The following MRTFB variants were observed in gnomAD, a reference collection of about 807,000 sequenced individuals.
MRTFB encodes the protein myocardin-related transcription factor B.
A neutral mutation model predicts 104.2 loss-of-function variants in MRTFB; 29 were observed. The observed-to-expected ratio is 0.28, with a 90% CI of 0.21 to 0.38. MRTFB has a LOEUF of 0.38. Among genes scored for constraint, MRTFB ranks in the 10% least tolerant of loss-of-function variants. The pLI is 1.00. For missense variants in MRTFB, 1,270 were observed against 1,341.6 expected (o/e 0.95, Z 0.83); for synonymous variants, 535 against 519.5 (o/e 1.03, Z -0.41).
At chr16:14,158,132 C>T (rs1026863192) in intron 3 of MRTFB, among the ~76,000 whole-genome samples, 4 of 152,162 alleles carry the variant, frequency 2.6e-5, no homozygotes, top group East Asian at 1.9e-4. Context: ...TTCTTAGTTA[C>T]CATGTGTCTT....
rs572911504 is a variant in MRTFB, at chr16:14,073,214, G to A, written c.-129+1849G>A. The stretch of plus-strand genomic sequence containing the variant: ...AGTTTATAGTGGGCTTAATCTGCCC[G>A]TTCATTTGAAAGACTCTCGTACCAG... On this transcript the variant is annotated intron_variant, in intron 1 of 16. Coordinates refer to ENST00000571589, the MANE Select transcript of MRTFB (RefSeq NM_001308142.2). Among the ~76,000 whole-genome samples, 20 of 152,234 alleles carry A rather than the reference G, an allele frequency of 1.3e-4. 1 individual carries two copies. The South Asian group carries it at 2.9e-3, about 22-fold the overall frequency.
At chr16:14,129,170 G>A (rs917035978) in intron 2 of MRTFB, among the ~76,000 whole-genome samples, 1 of 152,224 alleles carries the variant, frequency 6.6e-6, no homozygotes, top group African/African-American at 2.4e-5. Context: ...TAGGTCATTT[G>A]GGTAGTTTCC....
chr16:14,089,829 C>T (rs1294729510), intron 2 of MRTFB, among the ~76,000 whole-genome samples: 1 of 152,176 alleles, frequency 6.6e-6, no homozygotes, highest in East Asian at 1.9e-4. Flanking sequence ...TAGTAGCCAT[C>T]CTAATGAATG....
At chr16:14,246,010 A>G (rs185556114) in intron 11 of MRTFB, among the ~76,000 whole-genome samples, 46 of 152,296 alleles carry the variant, frequency 3.0e-4, no homozygotes, top group Admixed American at 9.2e-4. Flanking sequence ...GGTTTCTACC[A>G]CAGCTCAGCC....
chr16:14,225,933 GACCTTACTGCAGAAC>G (rs1410808311), intron 8 of MRTFB, among the ~76,000 whole-genome samples: 1 of 152,176 alleles, frequency 6.6e-6, no homozygotes, highest in Non-Finnish European at 1.5e-5. Flanking sequence ...ATTGTGTAAA[GACCTTACTGCAGAAC>G]ACCTTGCTGT....
intron 3 of MRTFB, among the ~76,000 whole-genome samples, chr16:14,193,179 C>T (rs1001751819): frequency 8.1e-6 from 1 of 123,298 alleles, no homozygotes; most frequent in African/African-American, 3.1e-5. Flanking sequence ...CGTCACTGCA[C>T]TCCAACCTGG....
chr16:14,157,058 T>C (rs4781580), intron 3 of MRTFB, among the ~76,000 whole-genome samples: 35,728 of 152,206 alleles, frequency 0.23, 7,929 homozygotes, highest in African/African-American at 0.57. Flanking sequence ...ATAAACTATT[T>C]TCATCTCTTT....
At chr16:14,017,712 T>TATATATATATA in the MRTFB span, among the ~76,000 whole-genome samples, 112 of 9,920 alleles carry the variant, frequency 0.011, 6 homozygotes, top group Non-Finnish European at 0.021. Context: ...TATATATATA[T>TATATATATATA]TTTTTTTTTT....
intron 2 of MRTFB, among the ~76,000 whole-genome samples, chr16:14,132,119 T>A (rs1191200694): frequency 6.6e-6 from 1 of 152,152 alleles, no homozygotes; most frequent in East Asian, 1.9e-4. Context: ...ATATTGATAA[T>A]TGGACAGTAT....
the MRTFB span, among the ~76,000 whole-genome samples, chr16:14,036,299 TA>T: frequency 1.6e-4 from 14 of 86,422 alleles, 1 homozygote; most frequent in East Asian, 5.8e-3. Context: ...TATATATTTA[TA>T]TATATATATA....
intron 2 of MRTFB, among the ~76,000 whole-genome samples, chr16:14,129,699 C>G (rs2037341906): frequency 6.6e-6 from 1 of 152,186 alleles, no homozygotes; most frequent in African/African-American, 2.4e-5. Context: ...TTTGCCAACA[C>G]TTGCTTTTGT....
chr16:14,249,232 C>A, intron 13 of MRTFB, 151 bp downstream of exon 13: 1 of 867,730 alleles, frequency 1.2e-6, no homozygotes, highest in Non-Finnish European at 1.7e-6. Context: ...AGGTCAGATG[C>A]CATTTGGCTG....
intron 3 of MRTFB, among the ~76,000 whole-genome samples, chr16:14,188,381 C>T (rs1287437220): frequency 1.3e-5 from 2 of 151,876 alleles, no homozygotes; most frequent in Non-Finnish European, 2.9e-5. Context: ...AACATTTTTG[C>T]GTACTTGAGA....
intron 3 of MRTFB, among the ~76,000 whole-genome samples, chr16:14,181,009 G>A (rs1490514716): frequency 2.0e-5 from 3 of 152,052 alleles, no homozygotes; most frequent in Non-Finnish European, 4.4e-5. Flanking sequence ...ATGAAACAGC[G>A]GTTTTCATAG....
intron 13 of MRTFB, among the ~76,000 whole-genome samples, chr16:14,249,888 T>C (rs1275229180): frequency 6.6e-6 from 1 of 152,240 alleles, no homozygotes; most frequent in Non-Finnish European, 1.5e-5. Context: ...GTGAACTGTC[T>C]GGGTGAAACC....
the MRTFB span, among the ~76,000 whole-genome samples, chr16:14,014,549 C>A: frequency 6.6e-6 from 1 of 151,524 alleles, no homozygotes; most frequent in Non-Finnish European, 1.5e-5. Flanking sequence ...TGGTGAGACT[C>A]TTGTCTCAAA....
intron 3 of MRTFB, among the ~76,000 whole-genome samples, chr16:14,207,607 G>A (rs1281904093): frequency 6.6e-6 from 1 of 152,166 alleles, no homozygotes; most frequent in Non-Finnish European, 1.5e-5. Flanking sequence ...TCTTTAGGTA[G>A]CTTCCAGATA....
rs55641720 is a variant in MRTFB, at chr16:14,248,905, T to G, written c.2248-21T>G. The stretch of plus-strand genomic sequence containing the variant: ...TTGATTCTGACAATTAAATTGATGT[T>G]TTTTTCAATTCACCTCCTAGACTTC... On this transcript the variant is annotated intron_variant, in intron 12 of 16. Coordinates refer to ENST00000571589, the MANE Select transcript of MRTFB (RefSeq NM_001308142.2). 11,070 of 1,608,976 alleles carry G rather than the reference T, an allele frequency of 6.9e-3. 494 individuals carry two copies. The African/African-American group carries it at 0.11, about 16-fold the overall frequency.
At chr16:14,243,173 A>C (rs1449904624) in intron 10 of MRTFB, among the ~76,000 whole-genome samples, 4 of 152,244 alleles carry the variant, frequency 2.6e-5, no homozygotes, top group Non-Finnish European at 5.9e-5. Context: ...TTTATAAAGG[A>C]TAATAATGAT....
Sources: gnomAD v4.1 joint callset for allele counts (sites outside exome capture counted in the v4.1 genomes callset) on GRCh38, gnomAD v4.1.1 for gene constraint, MANE v1.5 for transcripts, NCBI Gene and HGNC (gene_info 2026-07-23, HGNC 2026-07-21) for gene names.